GPC5: variants seen among roughly 807,000 people sequenced by gnomAD.
GPC5 encodes glypican-5.
A neutral mutation model predicts 53.9 loss-of-function variants in GPC5; 47 were observed. The observed-to-expected ratio is 0.87, with a 90% CI of 0.69 to 1.11. The LOEUF (loss-of-function observed/expected upper bound fraction) is 1.11. Ranked by LOEUF, GPC5 falls within the 50% of genes most tolerant of loss-of-function variation. The pLI is 0.00. For missense variants in GPC5, 748 were observed against 713.1 expected (o/e 1.05, Z -0.56); for synonymous variants, 286 against 263.3 (o/e 1.09, Z -0.84).
intron 6 of GPC5, among the ~76,000 whole-genome samples, chr13:92,141,750 C>T (rs1028940217): frequency 2.0e-5 from 3 of 152,104 alleles, no homozygotes; most frequent in Non-Finnish European, 1.5e-5. Flanking sequence ...GGTTGTCAGC[C>T]TAGCTTGACT....
chr13:92,264,876 CTCTGTGTGTGTG>C (rs1189166380), intron 7 of GPC5, among the ~76,000 whole-genome samples: 256 of 119,314 alleles, frequency 2.1e-3, no homozygotes, highest in African/African-American at 3.0e-3. Flanking sequence ...CTCTCTCTCT[CTCTGTGTGTGTG>C]TGTGTGTGTG....
chr13:92,813,309 A>C (rs1877359383), intron 7 of GPC5, among the ~76,000 whole-genome samples: 1 of 151,908 alleles, frequency 6.6e-6, no homozygotes, highest in Non-Finnish European at 1.5e-5. Flanking sequence ...ATAATTTTGT[A>C]ATCTTTTTTT....
In GPC5 at chr13:91,696,673, T is replaced by C. The variant is rs7336930; in HGVS notation, c.1020+2792T>C. 5.4e-3 allele frequency among the ~76,000 whole-genome samples: 824 copies of C among 152,272 alleles called. 8 individuals are homozygous for C. The highest frequency in any genetic ancestry group is 0.035 in the South Asian group (168 of 4,824). On this transcript the variant is annotated intron_variant, in intron 3 of 7. Transcript: ENST00000377067. ...ACTTTAAAATATCTGTGGAGATACC[T>C]GATATATATATAAAATACTTCTGTT...
intron 7 of GPC5, among the ~76,000 whole-genome samples, chr13:92,308,969 T>C (rs2043128698): frequency 6.6e-6 from 1 of 152,110 alleles, no homozygotes; most frequent in South Asian, 2.1e-4. Flanking sequence ...GCAATTTATT[T>C]ATTCCTCATT....
rs552701258 is a variant in GPC5 at position 91,676,563 on chromosome 13, A to G, written c.326-16624A>G. On this transcript the variant is annotated intron_variant, in intron 2 of 7. Transcript: ENST00000377067. The stretch of plus-strand genomic sequence containing the variant: ...CTAGAGGAAATTGTATAGAATGTTT[A>G]CTAAAATGCTCTTGGTGAAATTTTA... 3.9e-4 allele frequency among the ~76,000 whole-genome samples: 59 copies of G among 152,200 alleles called. No homozygotes were observed. The South Asian group carries it at 0.01, about 27-fold the overall frequency.
intron 7 of GPC5, among the ~76,000 whole-genome samples, chr13:92,846,388 A>G (rs1878613050): frequency 6.6e-6 from 1 of 152,108 alleles, no homozygotes; most frequent in Non-Finnish European, 1.5e-5. Context: ...ATAGAAAGAC[A>G]CTGTACCAAG....
chr13:92,735,119 G>A (rs1305970709), intron 7 of GPC5, among the ~76,000 whole-genome samples: 1 of 151,866 alleles, frequency 6.6e-6, no homozygotes, highest in Non-Finnish European at 1.5e-5. Flanking sequence ...TTAAAAAGCA[G>A]ACAAAATACA....
intron 2 of GPC5, among the ~76,000 whole-genome samples, chr13:91,510,595 A>G (rs1471445560): frequency 6.6e-6 from 1 of 152,236 alleles, no homozygotes; most frequent in African/African-American, 2.4e-5. Flanking sequence ...ATATCTGCCC[A>G]TATTTTAATT....
intron 6 of GPC5, among the ~76,000 whole-genome samples, chr13:92,110,052 T>C (rs894258173): frequency 6.6e-6 from 1 of 152,176 alleles, no homozygotes; most frequent in East Asian, 1.9e-4. Context: ...TAGGTGGCAG[T>C]ATCCATATAA....
chr13:92,140,573 T>C (rs1211181361), intron 6 of GPC5, among the ~76,000 whole-genome samples: 1 of 152,202 alleles, frequency 6.6e-6, no homozygotes, highest in Non-Finnish European at 1.5e-5. Flanking sequence ...ATTTTATCAC[T>C]CTTTCTGTGA....
chr13:92,406,471 C>T (rs1875800512), intron 7 of GPC5, among the ~76,000 whole-genome samples: 1 of 152,134 alleles, frequency 6.6e-6, no homozygotes, highest in South Asian at 2.1e-4. Context: ...ACTTGGAGAT[C>T]ATTTTACAAC....
chr13:92,561,087 A>C (rs1882680155), intron 7 of GPC5, among the ~76,000 whole-genome samples: 1 of 151,928 alleles, frequency 6.6e-6, no homozygotes, highest in South Asian at 2.1e-4. Context: ...TCGAGACGTG[A>C]CCTTGGCTAG....
intron 2 of GPC5, among the ~76,000 whole-genome samples, chr13:91,684,400 C>G (rs2035576044): frequency 6.6e-6 from 1 of 152,128 alleles, no homozygotes; most frequent in Non-Finnish European, 1.5e-5. Flanking sequence ...TTCCACCCCA[C>G]CACACACAAA....
chr13:91,819,234 A>G (rs2138827259), intron 5 of GPC5, among the ~76,000 whole-genome samples: 1 of 128,290 alleles, frequency 7.8e-6, no homozygotes, highest in South Asian at 2.4e-4. Flanking sequence ...ATATCAGCTC[A>G]CTGCAACCTC....
intron 7 of GPC5, among the ~76,000 whole-genome samples, chr13:92,194,836 A>C (rs1373470503): frequency 4.6e-5 from 7 of 152,170 alleles, no homozygotes; most frequent in Non-Finnish European, 1.0e-4. Context: ...TTTCCTTGTA[A>C]TCTAAGGTAG....
At chr13:92,314,508 T>C (rs1201676712) in intron 7 of GPC5, among the ~76,000 whole-genome samples, 1 of 152,260 alleles carries the variant, frequency 6.6e-6, no homozygotes, top group Non-Finnish European at 1.5e-5. Context: ...TTGCCACTTA[T>C]CTGTTTTCTT....
chr13:92,593,044 T>G (rs1156703792), intron 7 of GPC5, among the ~76,000 whole-genome samples: 1 of 151,024 alleles, frequency 6.6e-6, no homozygotes, highest in Admixed American at 6.6e-5. Context: ...CTGAAGTGAC[T>G]AGAGTGGAGT....
At chr13:92,397,617 A>G (rs905976338) in intron 7 of GPC5, among the ~76,000 whole-genome samples, 2 of 152,198 alleles carry the variant, frequency 1.3e-5, no homozygotes, top group Non-Finnish European at 2.9e-5. Context: ...CTCTCTGTCT[A>G]AATTTCATGG....
chr13:92,438,376 C>A (rs1211858753), intron 7 of GPC5, among the ~76,000 whole-genome samples: 3 of 52,472 alleles, frequency 5.7e-5, no homozygotes, highest in Admixed American at 2.8e-4. Flanking sequence ...ACGTTTAAAG[C>A]AAAATAAATA....
Sources: allele counts gnomAD v4.1 joint callset (sites outside exome capture counted in the v4.1 genomes callset), GRCh38; gene constraint gnomAD v4.1.1; transcripts MANE v1.5; gene names NCBI Gene and HGNC (gene_info 2026-07-23, HGNC 2026-07-21).